The following CAMTA1 variants were observed in gnomAD, a reference collection of about 807,000 sequenced individuals.
The protein encoded by CAMTA1 is calmodulin binding transcription activator 1, also known as calmodulin-binding transcription activator 1.
A neutral mutation model predicts 170.9 loss-of-function variants in CAMTA1; 27 were observed. The ratio of observed to expected loss-of-function variants is 0.16; its 90% confidence interval spans 0.12 to 0.22. The LOEUF (loss-of-function observed/expected upper bound fraction) is 0.22. Ranked by LOEUF, CAMTA1 falls within the 10% of genes least tolerant of loss-of-function variation. The probability of loss-of-function intolerance (pLI) is 1.00; values close to 1 mark genes in which losing one functional copy is unlikely to be tolerated. For synonymous variants in CAMTA1, 833 were observed against 891.5 expected, an observed-to-expected ratio of 0.93 and a Z score of 1.17; for missense variants, 1,619 against 2,217.2, an observed-to-expected ratio of 0.73 and a Z score of 5.42.
intron 4 of CAMTA1, among the ~76,000 whole-genome samples, chr1:7,164,372 G>T (rs1199914494): frequency 2.0e-5 from 3 of 152,168 alleles, no homozygotes; most frequent in Non-Finnish European, 2.9e-5. Flanking sequence ...TATCATTTTT[G>T]CCAGCAACCC....
At chr1:7,139,857 C>T (rs1280740911) in intron 4 of CAMTA1, among the ~76,000 whole-genome samples, 2 of 152,146 alleles carry the variant, frequency 1.3e-5, no homozygotes, top group Admixed American at 6.5e-5. Context: ...GCTGGCCGGG[C>T]GTGAGCCTTT....
rs1641589488 is a variant in CAMTA1 at position 7,092,292 on chromosome 1, G to A, written c.302+921G>A. ...GGTTTGTTAGGACCAGGGAAGGGTT[G>A]AGTGTGTCCTCTGTGCCCGTGGCCC... On this transcript the variant is annotated intron_variant, in intron 4 of 22. Coordinates refer to ENST00000303635, the MANE Select transcript of CAMTA1 (RefSeq NM_015215.4). The surrounding 1 kb of genome is among the most constrained non-coding windows in gnomAD (Gnocchi z 5.0). Among the ~76,000 whole-genome samples, 1 of 152,202 alleles carries A rather than the reference G, an allele frequency of 6.6e-6. No homozygotes were observed. The highest frequency in any genetic ancestry group is 6.5e-5 in the Admixed American group (1 of 15,282).
At chr1:6,838,079 C>T (rs1654015958) in intron 3 of CAMTA1, among the ~76,000 whole-genome samples, 3 of 152,020 alleles carry the variant, frequency 2.0e-5, no homozygotes, top group Non-Finnish European at 2.9e-5. Context: ...TACAATAGTC[C>T]CTGGAGTGTC....
At chr1:7,335,430 C>T (rs1224828064) in intron 5 of CAMTA1, among the ~76,000 whole-genome samples, 1 of 152,168 alleles carries the variant, frequency 6.6e-6, no homozygotes, top group Non-Finnish European at 1.5e-5. Flanking sequence ...TGCCTTGGGA[C>T]GTCAGCAGTC....
intron 3 of CAMTA1, among the ~76,000 whole-genome samples, chr1:6,954,151 C>A (rs1280628435): frequency 2.0e-5 from 3 of 152,250 alleles, no homozygotes; most frequent in Non-Finnish European, 4.4e-5. Flanking sequence ...AGCCAGCCAG[C>A]CAGCTGGGAA....
intron 4 of CAMTA1, among the ~76,000 whole-genome samples, chr1:7,240,053 C>T (rs1406855316): frequency 2.0e-5 from 3 of 152,178 alleles, no homozygotes; most frequent in African/African-American, 7.2e-5. Flanking sequence ...CAACACATGA[C>T]CTTTAGGGGG....
At chr1:6,866,645 A>T (rs1332477574) in intron 3 of CAMTA1, among the ~76,000 whole-genome samples, 1 of 152,114 alleles carries the variant, frequency 6.6e-6, no homozygotes, top group Non-Finnish European at 1.5e-5. Context: ...GGAAGAAAAA[A>T]ATTTAAGCAT....
chr1:7,163,216 G>A (rs1351987555), intron 4 of CAMTA1, among the ~76,000 whole-genome samples: 1 of 151,322 alleles, frequency 6.6e-6, no homozygotes, highest in South Asian at 2.1e-4. Flanking sequence ...ACAGATGCTG[G>A]TCCGAGAAGA....
intron 5 of CAMTA1, among the ~76,000 whole-genome samples, chr1:7,420,313 C>A (rs1046838168): frequency 6.6e-6 from 1 of 152,140 alleles, no homozygotes; most frequent in African/African-American, 2.4e-5. Flanking sequence ...GACCTGCTGC[C>A]CAGTGCCCTG....
chr1:7,083,570 A>T (rs577959926), intron 3 of CAMTA1, among the ~76,000 whole-genome samples: 4 of 152,296 alleles, frequency 2.6e-5, no homozygotes, highest in Admixed American at 2.6e-4. Flanking sequence ...TGGACTATTT[A>T]TCATGGGGGA....
At chr1:7,121,190 C>A (rs182974934) in intron 4 of CAMTA1, among the ~76,000 whole-genome samples, 1 of 152,212 alleles carries the variant, frequency 6.6e-6, no homozygotes, top group Non-Finnish European at 1.5e-5. Flanking sequence ...GTGACCCTGG[C>A]TTTTTGCCAG....
rs1236124621 is a variant in CAMTA1, at chr1:7,249,216, G to A, written c.303-275G>A. On this transcript the variant is annotated intron_variant, in intron 4 of 22. Coordinates refer to ENST00000303635, the MANE Select transcript of CAMTA1 (RefSeq NM_015215.4). This position sits in a 1 kb window ranked among gnomAD's most constrained non-coding sequence, Gnocchi z 4.4. ...AGTGCAGAGCTCAGGCCCCCACATC[G>A]TATATCCTGATTACTTTGTGGTTAT... is the stretch of plus-strand genomic sequence containing the variant. 2.0e-5 allele frequency among the ~76,000 whole-genome samples: 3 copies of A among 152,072 alleles called. No individual in the cohort carries two copies. Among genetic ancestry groups the A allele is most frequent in the Admixed American group, 6.6e-5 (1 of 15,256 alleles).
At chr1:6,991,610 A>G (rs1163399572) in intron 3 of CAMTA1, among the ~76,000 whole-genome samples, 2 of 152,200 alleles carry the variant, frequency 1.3e-5, no homozygotes, top group Non-Finnish European at 2.9e-5. Flanking sequence ...TATTCTGGAT[A>G]CAGTTCTTTG....
chr1:7,511,913 A>C (rs1168480827), intron 6 of CAMTA1, among the ~76,000 whole-genome samples: 3 of 152,200 alleles, frequency 2.0e-5, no homozygotes, highest in African/African-American at 7.2e-5. Flanking sequence ...CGCAGTCTGC[A>C]GGGAGCTCTC....
At chr1:7,718,853 C>CTTTT (rs1380463151) in intron 11 of CAMTA1, among the ~76,000 whole-genome samples, 21,945 of 134,396 alleles carry the variant, frequency 0.16, 2,062 homozygotes, top group Middle Eastern at 0.27. Flanking sequence ...CCGGTCAGCC[C>CTTTT]TTTTTTTTTT....
At chr1:7,477,709 G>A (rs2093444078) in intron 6 of CAMTA1, among the ~76,000 whole-genome samples, 1 of 152,144 alleles carries the variant, frequency 6.6e-6, no homozygotes, top group African/African-American at 2.4e-5. Flanking sequence ...GGGACTGGGC[G>A]ACAGGAGGAC....
At chr1:6,802,874 G>C (rs959150778) in intron 1 of CAMTA1, among the ~76,000 whole-genome samples, 3 of 152,146 alleles carry the variant, frequency 2.0e-5, no homozygotes, top group Admixed American at 2.0e-4. Context: ...TGAGGACTTA[G>C]CTGGAAAACA....
chr1:7,513,135 C>T (rs544245335), intron 6 of CAMTA1, among the ~76,000 whole-genome samples: 2 of 152,194 alleles, frequency 1.3e-5, no homozygotes, highest in South Asian at 2.1e-4. Context: ...GTGCTTGTGA[C>T]GACCCAGGTG....
chr1:7,465,642 T>C (rs1193241), intron 5 of CAMTA1, among the ~76,000 whole-genome samples: 91,133 of 152,086 alleles, frequency 0.6, 28,342 homozygotes, highest in African/African-American at 0.74. Context: ...CTTCATTTTG[T>C]TTATCGGATG....
Sources: allele counts gnomAD v4.1 joint callset (sites outside exome capture counted in the v4.1 genomes callset), GRCh38; gene constraint gnomAD v4.1.1; non-coding constraint Gnocchi (gnomAD v3.1); transcripts MANE v1.5; gene names NCBI Gene and HGNC (gene_info 2026-07-23, HGNC 2026-07-21).